The following SASH1 variants were observed in gnomAD, a reference collection of about 807,000 sequenced individuals.
SASH1 encodes SAM and SH3 domain containing 1, also known as SAM and SH3 domain-containing protein 1.
SASH1 carries 44 observed loss-of-function variants against 125.2 expected under a neutral mutation model. The observed-to-expected ratio is 0.35, with a 90% CI of 0.28 to 0.45. SASH1 has a LOEUF of 0.45. Ranked by LOEUF, SASH1 falls within the 20% of genes least tolerant of loss-of-function variation. The probability of loss-of-function intolerance (pLI) is 1.00; values close to 1 mark genes in which losing one functional copy is unlikely to be tolerated. For missense variants in SASH1, 1,426 were observed against 1,614.5 expected (o/e 0.88, Z 2.00); for synonymous variants, 639 against 649.1 (o/e 0.98, Z 0.24).
At chr6:148,236,646 C>T in the SASH1 span, among the ~76,000 whole-genome samples, 1 of 152,186 alleles carries the variant, frequency 6.6e-6, no homozygotes, top group Non-Finnish European at 1.5e-5. Flanking sequence ...AAGCTCCAAA[C>T]GTCCTGTCTT....
intron 8 of SASH1, among the ~76,000 whole-genome samples, chr6:148,493,865 C>T (rs1297846508): frequency 6.6e-6 from 1 of 152,182 alleles, no homozygotes; most frequent in Non-Finnish European, 1.5e-5. Flanking sequence ...GAGAGCTTAG[C>T]TCGATTTCTT....
At chr6:148,313,136 G>A (rs1206759127) in intron 1 of SASH1, among the ~76,000 whole-genome samples, 5 of 152,142 alleles carry the variant, frequency 3.3e-5, no homozygotes, top group African/African-American at 1.2e-4. Context: ...GTAGAAGTGG[G>A]GAACTACATT....
chr6:148,440,435 C>T, intron 4 of SASH1, 28 bp downstream of exon 4: 1 of 1,604,810 alleles, frequency 6.2e-7, no homozygotes, highest in African/African-American at 1.3e-5. Flanking sequence ...TGCCCAGGAC[C>T]ACCTTCCAAG....
intron 4 of SASH1, among the ~76,000 whole-genome samples, chr6:148,459,910 G>T (rs1181257702): frequency 6.6e-6 from 1 of 152,148 alleles, no homozygotes; most frequent in Non-Finnish European, 1.5e-5. Context: ...GTAGAGCTTG[G>T]CTTTGAATAC....
intron 1 of SASH1, among the ~76,000 whole-genome samples, chr6:148,360,885 C>G (rs915958319): frequency 1.6e-4 from 25 of 152,096 alleles, no homozygotes; most frequent in African/African-American, 5.8e-4. Context: ...AAGTCCTAAT[C>G]CCTGGTATCT....
At chr6:148,306,938 G>A (rs138418989) in intron 1 of SASH1, among the ~76,000 whole-genome samples, 1 of 152,276 alleles carries the variant, frequency 6.6e-6, no homozygotes, top group African/African-American at 2.4e-5. Flanking sequence ...TAAACATATA[G>A]GGTGACAGTT....
Position 148,343,222 on chromosome 6 carries a change from T to C in SASH1, c.155T>C (p.Leu52Pro). 1 of 1,584,388 alleles carries C rather than the reference T, an allele frequency of 6.3e-7. No homozygotes were observed. Among genetic ancestry groups the C allele is most frequent in the Non-Finnish European group, 8.5e-7 (1 of 1,170,160 alleles). ...SRLWTDVMGILDGSLGNIDDL... is the reference protein window; with the variant it reads ...SRLWTDVMGIPDGSLGNIDDL... ...CTCTGGACCGACGTGATGGGTATCC[T>C]GGTAAGTTACCTGGGGAGGGGGCGG... Residue 52 changes from leucine to proline, a missense_variant and splice_region_variant, in exon 1 of 20, where the codon CTG (leucine) becomes CCG (proline). By Grantham distance (98) the Leu-to-Pro change is moderately conservative. Around this residue, in one of 3 missense-constraint regions of SASH1, gnomAD observed 567 missense variants for 575.6 expected, o/e 0.99. Transcript: ENST00000367467.
At chr6:148,520,163 C>G (rs1315550198) in intron 10 of SASH1, 1 of 429,726 alleles carries the variant, frequency 2.3e-6, no homozygotes, top group East Asian at 4.3e-5. Flanking sequence ...GCACCTCGGT[C>G]AGCGAGTTCA....
upstream of SASH1, among the ~76,000 whole-genome samples, chr6:148,342,200 T>C (rs974484277): frequency 4.9e-4 from 74 of 152,192 alleles, 1 homozygote; most frequent in Non-Finnish European, 2.9e-5. Context: ...TCATAAAAAA[T>C]GATCCAAACA....
intron 4 of SASH1, among the ~76,000 whole-genome samples, chr6:148,464,397 C>T (rs972293694): frequency 6.6e-6 from 1 of 152,152 alleles, no homozygotes; most frequent in African/African-American, 2.4e-5. Context: ...AAAATCCATG[C>T]TGAAGTTACC....
intron 2 of SASH1, among the ~76,000 whole-genome samples, chr6:148,419,726 G>C (rs966227576): frequency 3.9e-5 from 6 of 152,094 alleles, no homozygotes; most frequent in African/African-American, 1.4e-4. Flanking sequence ...TTGCTTGTTG[G>C]CTTTTCCTGA....
chr6:148,233,439 A>T, the SASH1 span, among the ~76,000 whole-genome samples: 2 of 152,052 alleles, frequency 1.3e-5, no homozygotes, highest in East Asian at 3.9e-4. Flanking sequence ...CTCTCTTTTT[A>T]TTCTTTCATA....
At chr6:148,370,137 C>G (rs1418534900) in intron 1 of SASH1, among the ~76,000 whole-genome samples, 1 of 152,124 alleles carries the variant, frequency 6.6e-6, no homozygotes, top group Non-Finnish European at 1.5e-5. Context: ...AAGGATAGAT[C>G]AAGTGAAAGT....
chr6:148,481,438 A>G (rs1320991606), intron 7 of SASH1, among the ~76,000 whole-genome samples: 1 of 152,154 alleles, frequency 6.6e-6, no homozygotes, highest in Admixed American at 6.5e-5. Context: ...GTTGGATGCA[A>G]AAGGCCTCGC....
intron 1 of SASH1, among the ~76,000 whole-genome samples, chr6:148,330,509 T>C (rs1178471797): frequency 1.3e-5 from 2 of 152,226 alleles, no homozygotes; most frequent in African/African-American, 4.8e-5. Context: ...CCAGCTGCAC[T>C]TTTAAGTCTT....
intron 1 of SASH1, among the ~76,000 whole-genome samples, chr6:148,387,664 CTTTCTTTCTTTCTTTCTT>C (rs1562371653): frequency 1.6e-5 from 1 of 62,582 alleles, no homozygotes. Context: ...TTCTTTCTTT[CTTTCTTTCTTTCTTTCTT>C]TCTTTCTTTC....
chr6:148,504,986 G>A (rs977269322), intron 8 of SASH1, among the ~76,000 whole-genome samples: 7 of 152,134 alleles, frequency 4.6e-5, no homozygotes, highest in Non-Finnish European at 7.4e-5. Context: ...TATCCTTCCC[G>A]CCACCCTCCC....
chr6:148,346,296 T>G (rs1017625441), intron 1 of SASH1, among the ~76,000 whole-genome samples: 2 of 152,212 alleles, frequency 1.3e-5, no homozygotes, highest in Non-Finnish European at 2.9e-5. Flanking sequence ...ACATTTTGCA[T>G]TTAGATTAAT....
chr6:148,497,997 A>G (rs1228983826), intron 8 of SASH1, among the ~76,000 whole-genome samples: 1 of 152,006 alleles, frequency 6.6e-6, no homozygotes, highest in African/African-American at 2.4e-5. Flanking sequence ...TGGCTCTTTG[A>G]CTTTGGGAAC....
Sources: allele counts gnomAD v4.1 joint callset (sites outside exome capture counted in the v4.1 genomes callset), GRCh38; gene constraint gnomAD v4.1.1; regional missense constraint gnomAD v4.1.1; transcripts MANE v1.5; gene names NCBI Gene and HGNC (gene_info 2026-07-23, HGNC 2026-07-21).